The following ARL15 variants were observed in gnomAD, a reference collection of about 807,000 sequenced individuals.
ARL15 encodes ARF like GTPase 15.
In ARL15, 19 loss-of-function variants were observed where a neutral mutation model predicts 25.2. The ratio of observed to expected loss-of-function variants is 0.75; its 90% CI spans 0.53 to 1.10. ARL15 has a LOEUF of 1.10. Among genes scored for constraint, ARL15 ranks in the 50% least tolerant of loss-of-function variants. The pLI is 0.00. For synonymous variants in ARL15, 94 were observed against 86.8 expected (o/e 1.08, Z -0.46); for missense variants, 220 against 246.0 (o/e 0.89, Z 0.71).
chr5:54,137,089 G>A (rs1579837321), intron 3 of ARL15, among the ~76,000 whole-genome samples: 2 of 151,554 alleles, frequency 1.3e-5, no homozygotes. Flanking sequence ...GGTCAGCAAG[G>A]CATAGTAATG....
At chr5:54,140,834 A>G (rs1457174836) in intron 3 of ARL15, among the ~76,000 whole-genome samples, 1 of 152,214 alleles carries the variant, frequency 6.6e-6, no homozygotes, top group African/African-American at 2.4e-5. Flanking sequence ...ACAACAAAAA[A>G]TGGTATTTCA....
chr5:54,161,013 T>A (rs1055161860), intron 2 of ARL15, among the ~76,000 whole-genome samples: 4 of 152,142 alleles, frequency 2.6e-5, no homozygotes, highest in African/African-American at 9.6e-5. Context: ...GTTATTCTTA[T>A]AGTTTTTCTC....
intron 4 of ARL15, among the ~76,000 whole-genome samples, chr5:54,082,214 G>A (rs1334078332): frequency 6.6e-6 from 1 of 152,064 alleles, no homozygotes; most frequent in Non-Finnish European, 1.5e-5. Context: ...ATTTAAAAAC[G>A]AGTATTCTTT....
At chr5:53,905,826 A>C (rs1745233057) in intron 4 of ARL15, among the ~76,000 whole-genome samples, 1 of 152,222 alleles carries the variant, frequency 6.6e-6, no homozygotes, top group Non-Finnish European at 1.5e-5. Flanking sequence ...GTTAATAACA[A>C]AACAATTCTA....
At chr5:54,285,368 T>G in intron 1 of ARL15, 2 of 883,666 alleles carry the variant, frequency 2.3e-6, no homozygotes, top group Non-Finnish European at 2.7e-6. Context: ...CCTAAGAAAT[T>G]TCAAAGGTAA....
At chr5:54,218,496 A>C (rs1290425284) in intron 1 of ARL15, among the ~76,000 whole-genome samples, 1 of 152,118 alleles carries the variant, frequency 6.6e-6, no homozygotes, top group Non-Finnish European at 1.5e-5. Context: ...GCAAGATTGG[A>C]TGTATTTATG....
chr5:54,095,658 C>A (rs1294839685), intron 4 of ARL15, among the ~76,000 whole-genome samples: 4 of 152,054 alleles, frequency 2.6e-5, no homozygotes, highest in South Asian at 2.1e-4. Flanking sequence ...CTTTCTCCCC[C>A]CAAGTACTAG....
At chr5:54,162,865 T>C (rs1243633554) in intron 2 of ARL15, among the ~76,000 whole-genome samples, 1 of 152,232 alleles carries the variant, frequency 6.6e-6, no homozygotes, top group African/African-American at 2.4e-5. Context: ...TTTTTATTTA[T>C]TCTTTCACAA....
chr5:54,217,488 C>A (rs1267716530), intron 1 of ARL15, among the ~76,000 whole-genome samples: 3 of 152,010 alleles, frequency 2.0e-5, no homozygotes, highest in African/African-American at 7.2e-5. Flanking sequence ...AGAAGGTAAA[C>A]CACCCTTCCC....
intron 4 of ARL15, among the ~76,000 whole-genome samples, chr5:53,907,486 ATATTTTTTT>A (rs1460254580): frequency 1.3e-4 from 3 of 22,456 alleles, no homozygotes; most frequent in African/African-American, 2.2e-4. Flanking sequence ...ATATATATAT[ATATTTTTTT>A]TTTTTTTTTT....
intron 4 of ARL15, among the ~76,000 whole-genome samples, chr5:53,993,030 G>A (rs1216382568): frequency 6.7e-6 from 1 of 149,806 alleles, no homozygotes; most frequent in Non-Finnish European, 1.5e-5. Context: ...CGGGCAACAA[G>A]AGTAAAACTC....
At position 54,091,027 on chromosome 5, in the gene ARL15, A is replaced by G. The variant is rs1752111793; in HGVS notation, c.462+22175T>C. ...TTCTCCAGATTAAATTTCCTCTAAA[A>G]TTTTTAAGTACTAGGTTGAAAACCA... On this transcript the variant is annotated intron_variant, in intron 4 of 4. Coordinates refer to ENST00000504924, the MANE Select transcript of ARL15 (RefSeq NM_019087.3). Among the ~76,000 whole-genome samples, 4 of 152,148 alleles carry G rather than the reference A, an allele frequency of 2.6e-5. No homozygotes were observed. The East Asian group carries it at 6.0e-4, about 23-fold the overall frequency.
At chr5:54,091,655 C>T (rs1752131320) in intron 4 of ARL15, among the ~76,000 whole-genome samples, 1 of 152,120 alleles carries the variant, frequency 6.6e-6, no homozygotes, top group Non-Finnish European at 1.5e-5. Context: ...GTGTGCCCAC[C>T]TGTCAACTGA....
intron 3 of ARL15, among the ~76,000 whole-genome samples, chr5:54,127,799 T>C (rs1324925781): frequency 6.6e-6 from 1 of 151,596 alleles, no homozygotes; most frequent in African/African-American, 2.4e-5. Context: ...CAAAACAGCA[T>C]GGTACTGGTA....
chr5:54,053,177 G>C (rs538536461), intron 4 of ARL15, among the ~76,000 whole-genome samples: 6 of 152,200 alleles, frequency 3.9e-5, no homozygotes, highest in African/African-American at 1.4e-4. Flanking sequence ...CTGGGGCCCG[G>C]GAGGATCCCT....
At chr5:54,226,266 C>G (rs754908575) in intron 1 of ARL15, among the ~76,000 whole-genome samples, 3 of 151,984 alleles carry the variant, frequency 2.0e-5, no homozygotes, top group Non-Finnish European at 2.9e-5. Context: ...GGAAAATGGC[C>G]GTTAATTGGA....
At chr5:54,035,715 T>C (rs905134273) in intron 4 of ARL15, among the ~76,000 whole-genome samples, 1 of 152,206 alleles carries the variant, frequency 6.6e-6, no homozygotes, top group Non-Finnish European at 1.5e-5. Context: ...CAATGCAGTG[T>C]CTATTTCCAA....
intron 4 of ARL15, among the ~76,000 whole-genome samples, chr5:54,005,152 CGT>C (rs1277410520): frequency 6.6e-6 from 1 of 151,994 alleles, no homozygotes; most frequent in African/African-American, 2.4e-5. Context: ...ACGCCCAGCC[CGT>C]GTTTGTTTTT....
intron 4 of ARL15, among the ~76,000 whole-genome samples, chr5:54,085,108 A>G (rs273217): frequency 0.79 from 120,615 of 152,146 alleles, 48,085 homozygotes; most frequent in African/African-American, 0.81. Flanking sequence ...CATTCCCTTT[A>G]GGTGAACTGA....
Sources: gnomAD v4.1 joint callset for allele counts (sites outside exome capture counted in the v4.1 genomes callset) on GRCh38, gnomAD v4.1.1 for gene constraint, MANE v1.5 for transcripts, NCBI Gene and HGNC (gene_info 2026-07-23, HGNC 2026-07-21) for gene names.